SPON2: variants seen among roughly 807,000 people sequenced by gnomAD.
SPON2 encodes the protein spondin-2.
Under a neutral mutation model 29.9 loss-of-function variants are expected in SPON2, and 32 were observed. The observed-to-expected ratio is 1.07, with a 90% confidence interval of 0.81 to 1.44. SPON2 has a LOEUF of 1.44. Ranked by LOEUF, SPON2 falls within the 40% of genes most tolerant of loss-of-function variation. The pLI is 0.00. For missense variants in SPON2, 541 were observed against 455.5 expected, an observed-to-expected ratio of 1.19 and a Z score of -1.71; for synonymous variants, 248 against 209.1, an observed-to-expected ratio of 1.19 and a Z score of -1.61.
upstream of SPON2, chr4:1,208,376 C>G (rs1407725904): frequency 6.6e-6 from 1 of 152,432 alleles, no homozygotes; most frequent in Non-Finnish European, 1.5e-5. Flanking sequence ...CTGTCCCGAC[C>G]CTCCCAACTT....
rs990666281 is a variant in SPON2 at position 1,170,133 on chromosome 4, C to T, written c.811+269G>A. ...ACCTGTGGGTGCGTGTCTGACAGGA[C>T]AGAGTCTCTCAGGTACTGTCTGGAG... On this transcript the variant is annotated intron_variant, in intron 5 of 5. Transcript: ENST00000290902. 2.4e-5 allele frequency: 10 copies of T among 415,394 alleles called. No homozygotes were observed. The East Asian group carries it at 2.7e-4, about 11-fold the overall frequency. 25.7% of individuals were successfully genotyped at this position (415,394 alleles called of 1,614,324 possible). A position where few individuals can be genotyped will look rare whatever the true frequency, so the allele number is the denominator to read the frequency against.
upstream of SPON2, among the ~76,000 whole-genome samples, chr4:1,198,521 C>T (rs564078232): frequency 3.0e-4 from 45 of 152,230 alleles, no homozygotes; most frequent in African/African-American, 8.7e-4. Flanking sequence ...TATCACTTTT[C>T]GCAGATGCAA....
At position 1,172,032 on chromosome 4, in the gene SPON2, G is replaced by A. The variant is rs771907591; in HGVS notation, c.40C>T (p.Leu14Phe). The change falls in exon 2 of 6, where the codon CTC becomes TTC. Residue 14 changes from leucine to phenylalanine, a missense_variant. Leu to Phe is a conservative substitution (Grantham distance 22, BLOSUM62 0). Transcript: ENST00000290902. ...AGAGTGGCCAGGAGGAGAGCGCAGA[G>A]GGCCTTGCCCAGGGCGGCGGCCGGG... ...PSPAAALGKA[L>F]CALLLATLGA... is the part of the protein sequence containing the mutation. 33 of 1,612,488 alleles carry A rather than the reference G, an allele frequency of 2.0e-5. No individual in the cohort carries two copies. The highest frequency in any genetic ancestry group is 2.8e-5 in the Non-Finnish European group (33 of 1,179,846).
In SPON2 at chr4:1,194,673, G is replaced by A. The variant is rs557822926; in HGVS notation, c.-239+317C>T. Among the ~76,000 whole-genome samples, 5 of 152,280 alleles carry A rather than the reference G, an allele frequency of 3.3e-5. No individual in the cohort carries two copies. The East Asian group carries it at 9.7e-4, about 29-fold the overall frequency. ...AGCCTGGAAAGTCTGAGCTGGCCCC[G>A]CTGCCGGGACACCCTCCCCAGCCTC... On this transcript the variant is annotated intron_variant, in intron 1 of 3. Coordinates refer to the SPON2 transcript ENST00000502483.
Position 1,189,615 on chromosome 4 carries a change from G to C in SPON2, c.-239+5375C>G, listed in dbSNP as rs1405116963. ...CATGCCACCACTGCACTCCAGCCTG[G>C]GCAACAGAGTGAGACCCTGTCTCAA... On this transcript the variant is annotated intron_variant, in intron 1 of 3. Coordinates refer to the SPON2 transcript ENST00000502483. Among the ~76,000 whole-genome samples, 3 of 132,260 alleles carry C rather than the reference G, an allele frequency of 2.3e-5. No individual in the cohort carries two copies. In the East Asian group the frequency reaches 7.2e-4, roughly 32 times the overall value. 86.8% of individuals were successfully genotyped at this position (132,260 alleles called of 152,430 possible).
At chr4:1,178,534 T>C (rs909535468) in intron 2 of SPON2, among the ~76,000 whole-genome samples, 1 of 152,050 alleles carries the variant, frequency 6.6e-6, no homozygotes, top group Admixed American at 6.5e-5. Flanking sequence ...CCCTGGCTGC[T>C]CACACCTCAG....
At chr4:1,195,664 G>A (rs1029374496), upstream of SPON2, among the ~76,000 whole-genome samples, 4 of 152,320 alleles carry the variant, frequency 2.6e-5, no homozygotes, top group South Asian at 6.2e-4. Context: ...AGGCAGAGGC[G>A]CAAAGCCTGG....
chr4:1,199,097 C>T (rs568542619), upstream of SPON2: 11 of 152,284 alleles, frequency 7.2e-5, no homozygotes, highest in Non-Finnish European at 1.2e-4. The surrounding 1 kb of genome is among the most constrained non-coding windows in gnomAD (Gnocchi z 4.5). Context: ...TCTGCTCCCT[C>T]ATTTAAAAAT....
upstream of SPON2, among the ~76,000 whole-genome samples, chr4:1,174,494 A>C (rs543165674): frequency 0.012 from 1,744 of 150,854 alleles, 58 homozygotes; most frequent in Admixed American, 0.058. Context: ...CTCAAAAAAA[A>C]AAAAAAAACA....
chr4:1,170,955 G>A, intron 4 of SPON2, 44 bp downstream of exon 4: 1 of 1,545,224 alleles, frequency 6.5e-7, no homozygotes, highest in South Asian at 1.2e-5. Context: ...CGTCCCCACC[G>A]CGGGGGCCAT....
upstream of SPON2, among the ~76,000 whole-genome samples, chr4:1,198,307 G>C (rs1022847478): frequency 6.6e-6 from 1 of 152,170 alleles, no homozygotes; most frequent in Non-Finnish European, 1.5e-5. Context: ...GAGAGGGCGA[G>C]AGCTGAGCCA....
chr4:1,208,610 C>T (rs889893188), upstream of SPON2: 2 of 152,368 alleles, frequency 1.3e-5, no homozygotes, highest in African/African-American at 4.8e-5. Context: ...CCTCCTGCTC[C>T]AGGGGTTCCA....
upstream of SPON2, among the ~76,000 whole-genome samples, chr4:1,195,583 T>A (rs1373878501): frequency 6.6e-6 from 1 of 152,002 alleles, no homozygotes; most frequent in Non-Finnish European, 1.5e-5. Context: ...GCCCCTCGAG[T>A]AGCCCTCAGC....
At chr4:1,185,326 T>C (rs888635698) in intron 1 of SPON2, among the ~76,000 whole-genome samples, 2 of 151,252 alleles carry the variant, frequency 1.3e-5, no homozygotes, top group Non-Finnish European at 2.9e-5. Context: ...TCTGCCCACC[T>C]CGGCCTCCCA....
intron 1 of SPON2, among the ~76,000 whole-genome samples, chr4:1,192,127 C>T (rs962947123): frequency 3.3e-5 from 5 of 152,230 alleles, no homozygotes; most frequent in African/African-American, 9.6e-5. Flanking sequence ...CTGTGTGACC[C>T]GGCATGGGTT....
chr4:1,183,251 A>AC (rs1442534419), intron 1 of SPON2, among the ~76,000 whole-genome samples: 8 of 151,208 alleles, frequency 5.3e-5, no homozygotes, highest in South Asian at 2.1e-4. Context: ...AAAAAAAAAA[A>AC]AAAACAAAAA....
At chr4:1,201,917 C>T (rs1728219079) in intron 1 of SPON2, among the ~76,000 whole-genome samples, 1 of 152,198 alleles carries the variant, frequency 6.6e-6, no homozygotes, top group African/African-American at 2.4e-5. Context: ...CTCCACAGTG[C>T]TTCACCTGGC....
In SPON2 at chr4:1,167,506, T is replaced by A. The variant is rs1341808886; in HGVS notation, c.962A>T (p.Glu321Val). The A allele has an allele frequency of 2.5e-6, 4 of 1,613,670 alleles. No homozygotes were observed. In the African/African-American group the frequency reaches 5.3e-5, roughly 22 times the overall value. Residue 321 changes from glutamate (E) to valine (V), a missense_variant, in exon 6 of 6, where the codon GAA (glutamate) becomes GTA (valine). By Grantham distance (121) the Glu-to-Val change is moderately radical. Coordinates refer to ENST00000290902, the MANE Select transcript of SPON2 (RefSeq NM_012445.4). ...GTTATCAGGGACGCACTCAGCCTCT[T>A]CTTCGAGCTCGGGGCAGGGGCTCCC... is the stretch of plus-strand genomic sequence containing the variant. ...NNGSPCPELEEEAECVPDNCV is the reference protein window; with the variant it reads ...NNGSPCPELEVEAECVPDNCV
chr4:1,167,272 G>A lies in SPON2; in HGVS notation c.*200C>T. 5.4e-6 allele frequency: 3 copies of A among 551,426 alleles called. No individual in the cohort carries two copies. The South Asian group carries it at 8.5e-5, about 16-fold the overall frequency. 34.2% of individuals were successfully genotyped at this position (551,426 alleles called of 1,614,324 possible). Reference sequence around the variant, plus strand: ...ACGGGGGCCCCTAAGAAGCAAGGTTGGGAAAGGAGGAGGCTGTTTCCCAAT... The same window carrying A: ...ACGGGGGCCCCTAAGAAGCAAGGTTAGGAAAGGAGGAGGCTGTTTCCCAAT... On this transcript the variant is annotated 3_prime_UTR_variant, in exon 6 of 6. Transcript: ENST00000290902.
Sources: gnomAD v4.1 joint callset for allele counts (sites outside exome capture counted in the v4.1 genomes callset) on GRCh38, gnomAD v4.1.1 for gene constraint, Gnocchi (gnomAD v3.1) non-coding constraint, MANE v1.5 for transcripts, NCBI Gene and HGNC (gene_info 2026-07-23, HGNC 2026-07-21) for gene names.